Variants in ERCC8 observed in about 807,000 individuals in gnomAD.
The protein encoded by ERCC8 is DNA excision repair protein ERCC-8.
In ERCC8, 52 loss-of-function variants were observed where a neutral mutation model predicts 54.9. The ratio of observed to expected loss-of-function variants is 0.95; its 90% CI spans 0.76 to 1.19. The LOEUF (loss-of-function observed/expected upper bound fraction) is 1.19. ERCC8 is among the 50% of genes most tolerant of loss of function. The pLI, the probability that ERCC8 is intolerant of heterozygous loss-of-function variation, is 0.00. For missense variants in ERCC8, 514 were observed against 466.1 expected (o/e 1.10, Z -0.95); for synonymous variants, 146 against 157.2 (o/e 0.93, Z 0.53).
Position 60,938,008 on chromosome 5 carries a change from CGT to C in ERCC8, c.77+6922_77+6923del, listed in dbSNP as rs1182798613. On this transcript the variant is annotated intron_variant, in intron 1 of 11. Transcript: ENST00000676185. The stretch of plus-strand genomic sequence containing the variant: ...TTTGTTCAATGAGTTAATATGTATG[CGT>C]GTGTGTGTGTGTGTATACATACATA... Among the ~76,000 whole-genome samples the C allele has an allele frequency of 1.5e-3, 190 of 124,002 alleles. 3 individuals carry two copies. Among genetic ancestry groups the C allele is most frequent in the African/African-American group, 2.5e-3 (81 of 32,612 alleles). The allele number at this position is 124,002 out of a possible 152,430, so 81.4% of individuals were successfully genotyped here. A position where few individuals can be genotyped will look rare whatever the true frequency, so the allele number is the denominator to read the frequency against.
At chr5:60,923,427 C>T (rs1439028002) in intron 2 of ERCC8, among the ~76,000 whole-genome samples, 1 of 151,716 alleles carries the variant, frequency 6.6e-6, no homozygotes, top group Non-Finnish European at 1.5e-5. Flanking sequence ...GTTTTTTTGG[C>T]ATAAAATTGT....
At chr5:60,880,078 C>T (rs1266916434) in intron 11 of ERCC8, among the ~76,000 whole-genome samples, 1 of 152,190 alleles carries the variant, frequency 6.6e-6, no homozygotes, top group Non-Finnish European at 1.5e-5. Context: ...CAAAATCTCT[C>T]AGCATTTGCT....
At chr5:60,910,554 A>G (rs1453734065) in intron 4 of ERCC8, among the ~76,000 whole-genome samples, 6 of 152,262 alleles carry the variant, frequency 3.9e-5, no homozygotes, top group African/African-American at 7.2e-5. Context: ...ATTTCTCTCA[A>G]TAATGTTCTA....
chr5:60,894,958 C>T (rs1197712731), intron 9 of ERCC8, among the ~76,000 whole-genome samples: 1 of 152,030 alleles, frequency 6.6e-6, no homozygotes, highest in Non-Finnish European at 1.5e-5. Context: ...ATCACAAGAT[C>T]AGGAGTTCAA....
intron 1 of ERCC8, among the ~76,000 whole-genome samples, chr5:60,938,264 G>A (rs184616482): frequency 6.8e-4 from 102 of 150,534 alleles, no homozygotes; most frequent in African/African-American, 2.2e-3. Context: ...CAAAACATGA[G>A]GTGGTGGTGA....
chr5:60,888,117 C>T (rs985419562), intron 10 of ERCC8, among the ~76,000 whole-genome samples: 2 of 152,006 alleles, frequency 1.3e-5, no homozygotes, highest in African/African-American at 2.4e-5. Flanking sequence ...CCAACAAAAC[C>T]GAAGAAATAT....
At chr5:60,938,305 C>T (rs1371499331) in intron 1 of ERCC8, among the ~76,000 whole-genome samples, 1 of 149,346 alleles carries the variant, frequency 6.7e-6, no homozygotes, top group Non-Finnish European at 1.5e-5. Flanking sequence ...AGTTTCTATA[C>T]CTTATGATCA....
intron 4 of ERCC8, among the ~76,000 whole-genome samples, chr5:60,913,770 C>G (rs1749344516): frequency 6.6e-6 from 1 of 152,082 alleles, no homozygotes; most frequent in Non-Finnish European, 1.5e-5. Flanking sequence ...TTAAATGTGT[C>G]CCAGAGATTC....
At chr5:60,918,593 T>C in intron 3 of ERCC8, 1 of 557,326 alleles carries the variant, frequency 1.8e-6, no homozygotes, top group South Asian at 2.0e-5. Flanking sequence ...TGTAGAGACA[T>C]ACCTCCTACT....
At chr5:60,932,377 T>C (rs759503277) in intron 1 of ERCC8, among the ~76,000 whole-genome samples, 7 of 152,086 alleles carry the variant, frequency 4.6e-5, no homozygotes, top group Non-Finnish European at 7.4e-5. Flanking sequence ...CCTAAACTAT[T>C]TGAGAAAATA....
intron 11 of ERCC8, among the ~76,000 whole-genome samples, chr5:60,876,567 C>A (rs1748015115): frequency 6.6e-6 from 1 of 152,288 alleles, no homozygotes; most frequent in Middle Eastern, 3.4e-3. Flanking sequence ...TTAATGATCA[C>A]CATTCTAACT....
intron 11 of ERCC8, among the ~76,000 whole-genome samples, chr5:60,884,475 C>CAAATA (rs1491551754): frequency 4.2e-5 from 3 of 70,842 alleles, no homozygotes; most frequent in African/African-American, 1.6e-4. Context: ...GACTCCTTCT[C>CAAATA]AAAAAAAAAA....
chr5:60,912,314 TG>T (rs1466068233), intron 4 of ERCC8, among the ~76,000 whole-genome samples: 1 of 152,116 alleles, frequency 6.6e-6, no homozygotes, highest in Non-Finnish European at 1.5e-5. Flanking sequence ...TCACATCCCT[TG>T]TAAGTTGGAC....
In ERCC8 at chr5:60,918,387, C is replaced by T; in HGVS notation, c.277G>A (p.Asp93Asn). 6.2e-7 allele frequency: 1 copy of T among 1,609,860 alleles called. No homozygotes were observed. The highest frequency in any genetic ancestry group is 1.1e-5 in the South Asian group (1 of 91,008). The change falls in exon 4 of 12, where the codon GAT becomes AAT. Residue 93 changes from aspartate (D) to asparagine (N), a missense_variant and splice_region_variant. Physicochemically the swap from Asp to Asn is conservative, Grantham distance 23. Transcript: ENST00000676185. The part of the protein sequence containing the change: ...TCKAVCSIGR[D>N]HPDVHRYSVE... ...CTGTATCTGTGAACATCAGGATGAT[C>T]TCTACAAAACAGCAATCAAAATTTA...
intron 1 of ERCC8, among the ~76,000 whole-genome samples, chr5:60,940,936 GACAA>G (rs776376333): frequency 1.2e-4 from 19 of 152,152 alleles, no homozygotes; most frequent in Non-Finnish European, 2.2e-4. Context: ...CATGGGAAAA[GACAA>G]ACAAAACAAG....
rs1383725335 is a variant in ERCC8 at position 60,902,520 on chromosome 5, A to G, written c.551-12T>C. ...TTCTTGTCTGTGACCTGCAAATACA[A>G]CTATATGAAAAGTCTTGCAAGATAT... On this transcript the variant is annotated splice_polypyrimidine_tract_variant and intron_variant, in intron 6 of 11. Transcript: ENST00000676185. 6.2e-7 allele frequency: 1 copy of G among 1,605,388 alleles called. No homozygotes were observed. Among genetic ancestry groups the G allele is most frequent in the Non-Finnish European group, 8.5e-7 (1 of 1,172,458 alleles).
At chr5:60,880,290 C>T (rs1348529620) in intron 11 of ERCC8, among the ~76,000 whole-genome samples, 3 of 152,164 alleles carry the variant, frequency 2.0e-5, no homozygotes, top group Non-Finnish European at 4.4e-5. Flanking sequence ...TCTCTGGCTG[C>T]CCTTAACATT....
chr5:60,928,065 C>A (rs1230086260), intron 2 of ERCC8, among the ~76,000 whole-genome samples: 2 of 152,082 alleles, frequency 1.3e-5, no homozygotes, highest in African/African-American at 4.8e-5. Flanking sequence ...ATGAAACATA[C>A]CATAACACAA....
At chr5:60,918,965 C>A (rs1270829466) in intron 3 of ERCC8, among the ~76,000 whole-genome samples, 2 of 151,932 alleles carry the variant, frequency 1.3e-5, no homozygotes, top group Non-Finnish European at 2.9e-5. Context: ...CAATACACCA[C>A]CTTGTGAGGG....
Sources: allele counts gnomAD v4.1 joint callset (sites outside exome capture counted in the v4.1 genomes callset), GRCh38; gene constraint gnomAD v4.1.1; transcripts MANE v1.5; gene names NCBI Gene and HGNC (gene_info 2026-07-23, HGNC 2026-07-21).